CNTN6: variants seen among roughly 807,000 people sequenced by gnomAD.
The protein encoded by CNTN6 is contactin-6.
In CNTN6, 137 loss-of-function variants were observed where a neutral mutation model predicts 122.8. That is an observed-to-expected ratio of 1.12 (90% CI 0.97 to 1.29). The LOEUF (loss-of-function observed/expected upper bound fraction) is 1.29, where lower values mean the gene tolerates loss of function less well. Ranked by LOEUF, CNTN6 falls within the 50% of genes most tolerant of loss-of-function variation. The probability of loss-of-function intolerance (pLI) is 0.00; values close to 1 mark genes in which losing one functional copy is unlikely to be tolerated. For synonymous variants in CNTN6, 570 were observed against 426.0 expected, an observed-to-expected ratio of 1.34 and a Z score of -4.16; for missense variants, 1,634 against 1,223.4, an observed-to-expected ratio of 1.34 and a Z score of -5.01.
chr3:1,173,114 C>T (rs2093388806), intron 2 of CNTN6: 1 of 414,240 alleles, frequency 2.4e-6, no homozygotes, highest in Non-Finnish European at 4.8e-6. Context: ...TGTTCTCTCT[C>T]TTCTGGCTTT....
chr3:1,403,465 CT>C lies in CNTN6; in HGVS notation c.*48del, dbSNP rs754184539. On this transcript the variant is annotated 3_prime_UTR_variant, in exon 23 of 23. Coordinates refer to ENST00000446702, the MANE Select transcript of CNTN6 (RefSeq NM_001289080.2). ...GAGAGTTTTTTGAAAGCAAATCATT[CT>C]GTATATATGCTCTCCAGCCTCTGAC... is the stretch of plus-strand genomic sequence containing the variant. 5 of 1,215,902 alleles carry C rather than the reference CT, an allele frequency of 4.1e-6. No individual in the cohort carries two copies. The highest frequency in any genetic ancestry group is 3.0e-5 in the African/African-American group (2 of 66,974). The allele number at this position is 1,215,902 out of a possible 1,614,324, so 75.3% of individuals were successfully genotyped here.
At position 1,316,634 on chromosome 3, in the gene CNTN6, T is replaced by C. The variant is rs1015586158; in HGVS notation, c.762-5016T>C. Among the ~76,000 whole-genome samples, 3 of 151,866 alleles carry C rather than the reference T, an allele frequency of 2.0e-5. No individual in the cohort carries two copies. In the East Asian group the frequency reaches 5.8e-4, roughly 29 times the overall value. On this transcript the variant is annotated intron_variant, in intron 7 of 22. Transcript: ENST00000446702. ...AAACTATGTAAAGAAGATTCTTGCT[T>C]ATAAATGTGCAACAAAATTTAGCTA...
intron 1 of CNTN6, among the ~76,000 whole-genome samples, chr3:1,113,652 A>C (rs2091584678): frequency 6.6e-6 from 1 of 152,144 alleles, no homozygotes; most frequent in Admixed American, 6.6e-5. Context: ...TATTGAATAT[A>C]TGCTGTGTTA....
intron 2 of CNTN6, among the ~76,000 whole-genome samples, chr3:1,192,691 A>G (rs2093719704): frequency 6.6e-6 from 1 of 152,074 alleles, no homozygotes; most frequent in Non-Finnish European, 1.5e-5. Flanking sequence ...AAAGATAGCA[A>G]TGACAACCAC....
At chr3:1,121,164 T>G (rs2091934543) in intron 1 of CNTN6, among the ~76,000 whole-genome samples, 1 of 152,060 alleles carries the variant, frequency 6.6e-6, no homozygotes, top group Non-Finnish European at 1.5e-5. Context: ...CTCCCTTTCC[T>G]TTTTCTGTGT....
At chr3:1,377,911 A>T (rs1710112776) in intron 17 of CNTN6, among the ~76,000 whole-genome samples, 1 of 152,092 alleles carries the variant, frequency 6.6e-6, no homozygotes, top group Non-Finnish European at 1.5e-5. Flanking sequence ...GCCATTTCAT[A>T]GGGTAGGGTT....
chr3:1,242,502 A>G (rs145007904), intron 4 of CNTN6, among the ~76,000 whole-genome samples: 8,349 of 151,656 alleles, frequency 0.055, 336 homozygotes, highest in East Asian at 0.15. Context: ...TGTAGCAGGC[A>G]AGTGATAACA....
At chr3:1,158,891 CATATATATACACATATATAT>C (rs2093051802) in intron 2 of CNTN6, among the ~76,000 whole-genome samples, 14 of 74,386 alleles carry the variant, frequency 1.9e-4, no homozygotes, top group African/African-American at 6.7e-4. Context: ...TATATACACA[CATATATATACACATATATAT>C]ACACACACAT....
chr3:1,167,645 G>A (rs1187872627), intron 2 of CNTN6, among the ~76,000 whole-genome samples: 1 of 152,096 alleles, frequency 6.6e-6, no homozygotes, highest in South Asian at 2.1e-4. Flanking sequence ...AATTGTATTG[G>A]CCCCATTTTA....
chr3:1,346,952 T>C (rs1704821006), intron 11 of CNTN6, among the ~76,000 whole-genome samples: 1 of 152,184 alleles, frequency 6.6e-6, no homozygotes, highest in Non-Finnish European at 1.5e-5. Context: ...GTTTTCTGTG[T>C]AGGACTACCT....
intron 7 of CNTN6, among the ~76,000 whole-genome samples, chr3:1,302,744 TATTTATTTATCTTG>T (rs1697642064): frequency 6.6e-6 from 1 of 152,184 alleles, no homozygotes; most frequent in African/African-American, 2.4e-5. Context: ...TTATTTTTGT[TATTTATTTATCTTG>T]CTTTGTTTTC....
At chr3:1,204,897 T>C (rs1183804905) in intron 2 of CNTN6, among the ~76,000 whole-genome samples, 1 of 152,070 alleles carries the variant, frequency 6.6e-6, no homozygotes, top group Admixed American at 6.6e-5. Context: ...GCCCCCAAGA[T>C]GTCAATATTC....
At chr3:1,205,467 T>C (rs1240801301) in intron 2 of CNTN6, among the ~76,000 whole-genome samples, 1 of 152,190 alleles carries the variant, frequency 6.6e-6, no homozygotes, top group Non-Finnish European at 1.5e-5. Flanking sequence ...ATGTTGACAG[T>C]CCTTGGTTTT....
chr3:1,148,639 ATC>A (rs1376362346), intron 2 of CNTN6, among the ~76,000 whole-genome samples: 1 of 152,200 alleles, frequency 6.6e-6, no homozygotes, highest in Non-Finnish European at 1.5e-5. Flanking sequence ...ACATATTAAT[ATC>A]TGTGTATCAG....
chr3:1,334,324 C>A (rs975621447), intron 11 of CNTN6, among the ~76,000 whole-genome samples: 1 of 151,716 alleles, frequency 6.6e-6, no homozygotes, highest in East Asian at 1.9e-4. Flanking sequence ...GGTCTCAGAT[C>A]TATCACTGAT....
At chr3:1,193,987 A>G (rs192613987) in intron 2 of CNTN6, among the ~76,000 whole-genome samples, 66 of 152,224 alleles carry the variant, frequency 4.3e-4, no homozygotes, top group African/African-American at 1.4e-3. Context: ...TTTTCCCCAA[A>G]GCATGTGTTA....
chr3:1,379,999 A>G (rs1411385597), intron 17 of CNTN6, among the ~76,000 whole-genome samples: 2 of 152,198 alleles, frequency 1.3e-5, no homozygotes, highest in Admixed American at 6.5e-5. Flanking sequence ...CTGAATGCTC[A>G]GAAGCGTAGA....
At chr3:1,230,022 T>G (rs781168545) in intron 4 of CNTN6, among the ~76,000 whole-genome samples, 2 of 151,932 alleles carry the variant, frequency 1.3e-5, no homozygotes, top group Non-Finnish European at 2.9e-5. Flanking sequence ...TGTGCGAGAG[T>G]GTGGAAACAG....
chr3:1,345,318 A>G (rs1281147481), intron 11 of CNTN6, among the ~76,000 whole-genome samples: 4 of 151,778 alleles, frequency 2.6e-5, no homozygotes, highest in Non-Finnish European at 5.9e-5. Context: ...GTTTCACCAT[A>G]TTGGCCAGTC....
Sources: allele counts gnomAD v4.1 joint callset (sites outside exome capture counted in the v4.1 genomes callset), GRCh38; gene constraint gnomAD v4.1.1; transcripts MANE v1.5; gene names NCBI Gene and HGNC (gene_info 2026-07-23, HGNC 2026-07-21).